The following CTNNA3 variants were observed in gnomAD, a reference collection of about 807,000 sequenced individuals.
CTNNA3 encodes the protein catenin alpha-3.
A neutral mutation model predicts 95.7 loss-of-function variants in CTNNA3; 76 were observed. The ratio of observed to expected loss-of-function variants is 0.79; its 90% CI spans 0.66 to 0.96. The LOEUF (loss-of-function observed/expected upper bound fraction) is 0.96, where lower values mean the gene tolerates loss of function less well. CTNNA3 is among the 40% of genes least tolerant of loss of function. CTNNA3 has a pLI of 0.00. For synonymous variants in CTNNA3, 431 were observed against 374.4 expected (o/e 1.15, Z -1.74); for missense variants, 1,191 against 1,089.8 (o/e 1.09, Z -1.31).
intron 9 of CTNNA3, among the ~76,000 whole-genome samples, chr10:66,700,111 G>T (rs1318045060): frequency 6.6e-6 from 1 of 151,812 alleles, no homozygotes; most frequent in Non-Finnish European, 1.5e-5. Flanking sequence ...TTTTTATTCT[G>T]ATGATTGTTT....
intron 1 of CTNNA3, among the ~76,000 whole-genome samples, chr10:67,735,811 T>C (rs1589585018): frequency 6.6e-6 from 1 of 152,180 alleles, no homozygotes; most frequent in East Asian, 1.9e-4. Flanking sequence ...TCTAGGTATA[T>C]ACCCAAGAGA....
intron 5 of CTNNA3, among the ~76,000 whole-genome samples, chr10:67,249,608 C>T (rs1273817050): frequency 6.6e-6 from 1 of 152,146 alleles, no homozygotes; most frequent in Non-Finnish European, 1.5e-5. Flanking sequence ...CAAAACATTT[C>T]TAATATTAAA....
chr10:67,760,092 C>A (rs2131757695), intron 1 of CTNNA3, among the ~76,000 whole-genome samples: 1 of 152,262 alleles, frequency 6.6e-6, no homozygotes, highest in Middle Eastern at 3.4e-3. Context: ...CATTCCTTGG[C>A]CAGAGGAGGG....
At chr10:66,314,225 C>A (rs1420969406) in intron 12 of CTNNA3, among the ~76,000 whole-genome samples, 2 of 152,090 alleles carry the variant, frequency 1.3e-5, no homozygotes, top group Non-Finnish European at 2.9e-5. Flanking sequence ...GAGCACAAGA[C>A]TAGATGTCCT....
intron 1 of CTNNA3, among the ~76,000 whole-genome samples, chr10:67,716,595 G>C (rs1401507335): frequency 6.6e-6 from 1 of 152,078 alleles, no homozygotes; most frequent in South Asian, 2.1e-4. Flanking sequence ...TCCTGTGTTA[G>C]TTTGCTGACA....
intron 3 of CTNNA3, among the ~76,000 whole-genome samples, chr10:67,559,592 T>A (rs978007821): frequency 2.0e-5 from 3 of 152,052 alleles, no homozygotes; most frequent in Admixed American, 2.0e-4. Context: ...CCTCTCCTCC[T>A]CCAAAGGAAC....
chr10:66,026,233 T>C (rs926743058), intron 15 of CTNNA3, among the ~76,000 whole-genome samples: 1 of 152,078 alleles, frequency 6.6e-6, no homozygotes, highest in Non-Finnish European at 1.5e-5. Flanking sequence ...GAAAATAGAG[T>C]TAAAGGGTTG....
intron 1 of CTNNA3, among the ~76,000 whole-genome samples, chr10:67,729,800 T>C (rs1841264619): frequency 6.6e-6 from 1 of 152,174 alleles, no homozygotes; most frequent in Non-Finnish European, 1.5e-5. Context: ...AGGTTATAAA[T>C]GTACTAAATG....
chr10:67,469,039 T>C (rs981253999), intron 5 of CTNNA3, among the ~76,000 whole-genome samples: 1 of 152,160 alleles, frequency 6.6e-6, no homozygotes, highest in Non-Finnish European at 1.5e-5. Flanking sequence ...TCAGAGGTAG[T>C]TGGGAAATAA....
chr10:66,868,976 A>T (rs1844294154), intron 7 of CTNNA3, among the ~76,000 whole-genome samples: 1 of 152,144 alleles, frequency 6.6e-6, no homozygotes, highest in African/African-American at 2.4e-5. Context: ...ATAAGAGACA[A>T]AATGTAAATT....
chr10:66,392,063 A>AT (rs1461917713), intron 11 of CTNNA3, among the ~76,000 whole-genome samples: 1 of 127,350 alleles, frequency 7.9e-6, no homozygotes, highest in African/African-American at 3.8e-5. Context: ...ATAATTAACA[A>AT]TTTTTTTACA....
At chr10:66,534,873 C>T (rs1293843664) in intron 10 of CTNNA3, among the ~76,000 whole-genome samples, 1 of 149,760 alleles carries the variant, frequency 6.7e-6, no homozygotes, top group Non-Finnish European at 1.5e-5. Flanking sequence ...AACATATTTT[C>T]CATTCTGGAA....
At chr10:67,174,416 T>C (rs763634172) in intron 7 of CTNNA3, among the ~76,000 whole-genome samples, 1 of 152,182 alleles carries the variant, frequency 6.6e-6, no homozygotes, top group Non-Finnish European at 1.5e-5. Context: ...AAAGTGGATA[T>C]TCTATGCCAG....
intron 2 of CTNNA3, among the ~76,000 whole-genome samples, chr10:67,632,126 CCA>C (rs71006156): frequency 0.054 from 7,531 of 138,878 alleles, 200 homozygotes; most frequent in Middle Eastern, 0.074. Context: ...AGTGTCTTAG[CCA>C]CACACACACA....
Position 66,124,748 on chromosome 10 carries a change from T to A in CTNNA3, c.1885-21499A>T, listed in dbSNP as rs527903369. 6.4e-4 allele frequency among the ~76,000 whole-genome samples: 97 copies of A among 152,298 alleles called. 2 individuals carry two copies. The East Asian group carries it at 0.017, about 27-fold the overall frequency. On this transcript the variant is annotated intron_variant, in intron 13 of 17. Coordinates refer to ENST00000433211, the MANE Select transcript of CTNNA3 (RefSeq NM_013266.4). The stretch of plus-strand genomic sequence containing the variant: ...ATGGAGGCAGGCAAAGAGAGACAGC[T>A]TGTGCAGGGAAACTCCTCTTTTTAA...
rs557839634 is a variant in CTNNA3 at position 66,946,788 on chromosome 10, AT to A, written c.1048-171265del. Among the ~76,000 whole-genome samples the A allele has an allele frequency of 6.6e-3, 998 of 152,128 alleles. 6 individuals are homozygous for A. The highest frequency in any genetic ancestry group is 0.024 in the Middle Eastern group (7 of 294). On this transcript the variant is annotated intron_variant, in intron 7 of 17. Transcript: ENST00000433211. ...CACCACACCCAGGCACACACATAGA[AT>A]TAATCCCCCTCTTATTCAAATGATG...
intron 15 of CTNNA3, among the ~76,000 whole-genome samples, chr10:66,062,089 C>T (rs1313304655): frequency 6.6e-6 from 1 of 152,032 alleles, no homozygotes; most frequent in Non-Finnish European, 1.5e-5. Flanking sequence ...ACCTCTATTT[C>T]TTTATTAATA....
Position 66,927,167 on chromosome 10 carries a change from T to C in CTNNA3, c.1048-151643A>G. On this transcript the variant is annotated intron_variant, in intron 7 of 17. Coordinates refer to ENST00000433211, the MANE Select transcript of CTNNA3 (RefSeq NM_013266.4). This position sits in a 1 kb window ranked among gnomAD's most constrained non-coding sequence, Gnocchi z 4.7. ...CTTAAGTATAATCAATTTAAAGGGCTCAACCAGCTCACCTGGCTATACCTT... is the reference window on the plus strand; with the variant it reads ...CTTAAGTATAATCAATTTAAAGGGCCCAACCAGCTCACCTGGCTATACCTT... 5 of 1,614,086 alleles carry C rather than the reference T, an allele frequency of 3.1e-6. No homozygotes were observed. The highest frequency in any genetic ancestry group is 4.2e-6 in the Non-Finnish European group (5 of 1,179,994).
chr10:66,657,167 G>T (rs1846099468), intron 9 of CTNNA3, among the ~76,000 whole-genome samples: 1 of 152,086 alleles, frequency 6.6e-6, no homozygotes, highest in African/African-American at 2.4e-5. Flanking sequence ...GATGCTAAAA[G>T]AAGGTTCATG....
Sources: gnomAD v4.1 joint callset for allele counts (sites outside exome capture counted in the v4.1 genomes callset) on GRCh38, gnomAD v4.1.1 for gene constraint, Gnocchi (gnomAD v3.1) non-coding constraint, MANE v1.5 for transcripts, NCBI Gene and HGNC (gene_info 2026-07-23, HGNC 2026-07-21) for gene names.